Variants in XRN1 observed in about 807,000 individuals in gnomAD.
XRN1 encodes the protein strand-exchange protein 1 homolog.
In XRN1, 67 loss-of-function variants were observed where a neutral mutation model predicts 222.3. The observed-to-expected ratio is 0.30, with a 90% CI of 0.25 to 0.37. XRN1 has a LOEUF of 0.37. XRN1 is among the 10% of genes least tolerant of loss of function. The probability of loss-of-function intolerance (pLI) is 1.00; values close to 1 mark genes in which losing one functional copy is unlikely to be tolerated. For synonymous variants in XRN1, 643 were observed against 652.4 expected (o/e 0.99, Z 0.22); for missense variants, 1,707 against 2,000.2 (o/e 0.85, Z 2.80).
In XRN1 at chr3:142,375,915, C is replaced by G; in HGVS notation, c.2861G>C (p.Gly954Ala). Residue 954 changes from glycine to alanine, a missense_variant, in exon 25 of 41, where the codon GGT (glycine) becomes GCT (alanine). Physicochemically the swap from Gly to Ala is moderately conservative, Grantham distance 60. Around this residue, in one of 2 missense-constraint regions of XRN1, gnomAD observed 1,234 missense variants for 1,518.2 expected, o/e 0.81. Coordinates refer to ENST00000392981, the MANE Select transcript of XRN1 (RefSeq NM_001282857.2). ...TTTCTTGTTGAATTTGAGATTTAAACCCACATTTGCTTTATGGTCTCCATG... is the reference window on the plus strand; with the variant it reads ...TTTCTTGTTGAATTTGAGATTTAAAGCCACATTTGCTTTATGGTCTCCATG... ...NPHGDHKANV[G>A]LNLKFNKKNE... 1.2e-6 allele frequency: 2 copies of G among 1,613,648 alleles called. No individual in the cohort carries two copies. The highest frequency in any genetic ancestry group is 1.7e-6 in the Non-Finnish European group (2 of 1,179,856).
chr3:142,334,701 ATGTC>A (rs2065799592), intron 34 of XRN1, among the ~76,000 whole-genome samples: 1 of 151,518 alleles, frequency 6.6e-6, no homozygotes, highest in Admixed American at 6.6e-5. Flanking sequence ...CCATATATAT[ATGTC>A]TATGTGTATA....
Position 142,307,029 on chromosome 3 carries a change from G to C in XRN1, c.*4482C>G, listed in dbSNP as rs2064981163. On this transcript the variant is annotated 3_prime_UTR_variant, in exon 41 of 41. Transcript: ENST00000392981. Reference sequence around the variant, plus strand: ...CAAAATGTTGAACACTTCAATGACAGCACAGCATCTATTACTCACATTAAA... The same window carrying C: ...CAAAATGTTGAACACTTCAATGACACCACAGCATCTATTACTCACATTAAA... 6.6e-6 allele frequency: 1 copy of C among 152,428 alleles called. No homozygotes were observed. The highest frequency in any genetic ancestry group is 1.9e-4 in the East Asian group (1 of 5,186). 9.4% of individuals were successfully genotyped at this position (152,428 alleles called of 1,614,324 possible).
chr3:142,383,714 T>C (rs971723715), intron 21 of XRN1, among the ~76,000 whole-genome samples: 18 of 152,204 alleles, frequency 1.2e-4, no homozygotes, highest in Non-Finnish European at 1.2e-4. Flanking sequence ...TCCAAGGTCA[T>C]GCAGCTAAGA....
chr3:142,341,437 T>TC (rs911930993), intron 33 of XRN1, among the ~76,000 whole-genome samples: 8 of 151,362 alleles, frequency 5.3e-5, no homozygotes, highest in Admixed American at 6.6e-5. Context: ...TCCTCACTTG[T>TC]CAATAATAAC....
chr3:142,394,688 C>T (rs1423516108), intron 20 of XRN1, among the ~76,000 whole-genome samples: 5 of 152,220 alleles, frequency 3.3e-5, no homozygotes, highest in Non-Finnish European at 7.3e-5. Flanking sequence ...AATCCATCTC[C>T]TTCCATCTTA....
chr3:142,366,596 A>G (rs912519872), intron 27 of XRN1, among the ~76,000 whole-genome samples: 1 of 152,210 alleles, frequency 6.6e-6, no homozygotes, highest in African/African-American at 2.4e-5. Context: ...AAAAGCCTAG[A>G]GAAAAATGAA....
chr3:142,424,511 A>G (rs1490491310), intron 5 of XRN1, among the ~76,000 whole-genome samples: 1 of 152,204 alleles, frequency 6.6e-6, no homozygotes, highest in Non-Finnish European at 1.5e-5. Flanking sequence ...AGAAAACAAA[A>G]TGAAACATTT....
chr3:142,415,590 C>G (rs1207512737), intron 13 of XRN1, among the ~76,000 whole-genome samples: 3 of 152,168 alleles, frequency 2.0e-5, no homozygotes, highest in African/African-American at 4.8e-5. Flanking sequence ...ACAGGAATAA[C>G]TTACATTCAC....
Position 142,332,410 on chromosome 3 carries a change from C to A in XRN1, c.4187G>T (p.Gly1396Val). 1 of 1,611,144 alleles carries A rather than the reference C, an allele frequency of 6.2e-7. No individual in the cohort carries two copies. Among genetic ancestry groups the A allele is most frequent in the Non-Finnish European group, 8.5e-7 (1 of 1,178,090 alleles). ...PVSSNRRDEYGLPSQPKQNKK... is the reference protein window; with the variant it reads ...PVSSNRRDEYVLPSQPKQNKK... ...ATTTTGTTTAGGCTGAGAGGGTAAT[C>A]CATATTCATCTCTTCTGTTAGAGGA... Residue 1396 changes from glycine to valine, a missense_variant, in exon 36 of 41, where the codon GGA becomes GTA. Coordinates refer to ENST00000392981, the MANE Select transcript of XRN1 (RefSeq NM_001282857.2).
chr3:142,323,714 G>A (rs957791968), intron 37 of XRN1, among the ~76,000 whole-genome samples: 24 of 152,064 alleles, frequency 1.6e-4, no homozygotes, highest in Non-Finnish European at 1.5e-5. Context: ...ATGGTGGCAT[G>A]TGCCTGTAAT....
At chr3:142,380,751 C>T (rs76134903) in intron 22 of XRN1, among the ~76,000 whole-genome samples, 10,591 of 151,916 alleles carry the variant, frequency 0.07, 1,250 homozygotes, top group African/African-American at 0.24. Flanking sequence ...ACTTGCCTTC[C>T]TGGGCTCAAA....
intron 33 of XRN1, among the ~76,000 whole-genome samples, chr3:142,342,672 T>C (rs945767788): frequency 2.0e-5 from 3 of 152,044 alleles, no homozygotes; most frequent in African/African-American, 7.2e-5. Context: ...ACCAAGAACA[T>C]ACATTGGGGA....
Position 142,431,870 on chromosome 3 carries a change from T to A in XRN1, c.308+791A>T, listed in dbSNP as rs1233461914. 7.0e-4 allele frequency among the ~76,000 whole-genome samples: 15 copies of A among 21,484 alleles called. 1 individual carries two copies. The highest frequency in any genetic ancestry group is 3.3e-3 in the Admixed American group (5 of 1,510). 14.1% of individuals were successfully genotyped at this position (21,484 alleles called of 152,430 possible). A position where few individuals can be genotyped will look rare whatever the true frequency, so the allele number is the denominator to read the frequency against. ...AAATATATATATTATATATAATATA[T>A]TATATTATATATATTATATATAATA... On this transcript the variant is annotated intron_variant, in intron 2 of 40. Transcript: ENST00000392981.
chr3:142,330,798 CTT>C (rs2065674280), intron 36 of XRN1, among the ~76,000 whole-genome samples: 1 of 151,888 alleles, frequency 6.6e-6, no homozygotes, highest in African/African-American at 2.4e-5. Flanking sequence ...TTAGGTTCTG[CTT>C]TTATTCCAGG....
intron 1 of XRN1, among the ~76,000 whole-genome samples, chr3:142,445,441 C>T (rs977898564): frequency 2.6e-5 from 4 of 152,182 alleles, no homozygotes; most frequent in Non-Finnish European, 5.9e-5. Flanking sequence ...GTAATTTGAT[C>T]TCAATACCTT....
At chr3:142,362,146 T>C (rs1577293673) in intron 29 of XRN1, among the ~76,000 whole-genome samples, 1 of 151,684 alleles carries the variant, frequency 6.6e-6, no homozygotes, top group Admixed American at 6.6e-5. Flanking sequence ...TTTTTGTATA[T>C]ATATTTTTTG....
In XRN1 at chr3:142,403,977, T is replaced by C; in HGVS notation, c.1896A>G (p.Ile632Met). 1 of 1,574,566 alleles carries C rather than the reference T, an allele frequency of 6.4e-7. No individual in the cohort carries two copies. The highest frequency in any genetic ancestry group is 8.7e-7 in the Non-Finnish European group (1 of 1,146,130). ...TGTCTACACGCCAAGCATCTAAGGA[T>C]ATTATTTTATACCTAGAAAATAAAT... is the stretch of plus-strand genomic sequence containing the variant. ...IERCCTRYKI[I>M]SLDAWRVDIN... is the part of the protein sequence containing the mutation. The change falls in exon 17 of 41, where the codon ATA becomes ATG. Residue 632 changes from isoleucine (I) to methionine (M), a missense_variant. Ile to Met is a conservative substitution (Grantham distance 10). Transcript: ENST00000392981.
At chr3:142,411,868 CT>C (rs1349940532) in intron 15 of XRN1, among the ~76,000 whole-genome samples, 1 of 148,858 alleles carries the variant, frequency 6.7e-6, no homozygotes, top group Non-Finnish European at 1.5e-5. Flanking sequence ...GTCTCCCAGG[CT>C]GGAGTGCAGT....
At chr3:142,335,908 A>G (rs146249582) in intron 33 of XRN1, among the ~76,000 whole-genome samples, 142 of 152,328 alleles carry the variant, frequency 9.3e-4, no homozygotes, top group African/African-American at 2.9e-3. Flanking sequence ...CTACGGTATT[A>G]TATTAAGTTG....
Sources: allele counts gnomAD v4.1 joint callset (sites outside exome capture counted in the v4.1 genomes callset), GRCh38; gene constraint gnomAD v4.1.1; regional missense constraint gnomAD v4.1.1; transcripts MANE v1.5; gene names NCBI Gene and HGNC (gene_info 2026-07-23, HGNC 2026-07-21).